ATP2B2: variants seen among roughly 807,000 people sequenced by gnomAD.
The protein encoded by ATP2B2 is plasma membrane calcium-transporting ATPase 2.
Under a neutral mutation model 120.0 loss-of-function variants are expected in ATP2B2, and 15 were observed. That is an observed-to-expected ratio of 0.12 (90% CI 0.08 to 0.19). ATP2B2 has a LOEUF of 0.19. Ranked by LOEUF, ATP2B2 falls within the 10% of genes least tolerant of loss-of-function variation. ATP2B2 has a pLI of 1.00. For synonymous variants in ATP2B2, 694 were observed against 700.3 expected, an observed-to-expected ratio of 0.99 and a Z score of 0.14; for missense variants, 1,045 against 1,719.8, an observed-to-expected ratio of 0.61 and a Z score of 6.94.
chr3:10,637,141 A>G (rs570511306), intron 1 of ATP2B2, among the ~76,000 whole-genome samples: 5 of 152,336 alleles, frequency 3.3e-5, no homozygotes, highest in Admixed American at 1.3e-4. Flanking sequence ...ACAAGTATTA[A>G]AAACAAGACC....
chr3:10,500,400 A>G (rs1439102164), intron 1 of ATP2B2, among the ~76,000 whole-genome samples: 2 of 152,130 alleles, frequency 1.3e-5, no homozygotes, highest in Non-Finnish European at 2.9e-5. Flanking sequence ...TCCAAAGTTC[A>G]TGCCCACCTG....
At chr3:10,569,649 T>C (rs143264112) in intron 2 of ATP2B2, among the ~76,000 whole-genome samples, 2 of 152,274 alleles carry the variant, frequency 1.3e-5, no homozygotes, top group East Asian at 1.9e-4. Context: ...CAAGGAAGAA[T>C]ATTAAGGTGT....
intron 2 of ATP2B2, among the ~76,000 whole-genome samples, chr3:10,574,090 G>T (rs2068190152): frequency 6.6e-6 from 1 of 152,148 alleles, no homozygotes. Context: ...TCTCCCTCTT[G>T]TCTTATCTCC....
intron 12 of ATP2B2, among the ~76,000 whole-genome samples, chr3:10,369,532 C>T (rs138655861): frequency 1.6e-4 from 25 of 152,340 alleles, no homozygotes; most frequent in African/African-American, 6.0e-4. Context: ...TAGCCTTTCC[C>T]TCTCTAGCCC....
intron 2 of ATP2B2, among the ~76,000 whole-genome samples, chr3:10,588,857 A>G (rs571631682): frequency 6.6e-6 from 1 of 152,336 alleles, no homozygotes; most frequent in East Asian, 1.9e-4. Context: ...AATAGATCCA[A>G]CTGGAAATAG....
intron 1 of ATP2B2, among the ~76,000 whole-genome samples, chr3:10,652,556 T>C (rs1334063986): frequency 6.6e-6 from 1 of 152,180 alleles, no homozygotes; most frequent in Non-Finnish European, 1.5e-5. Flanking sequence ...GACGATTCCT[T>C]GAAAACTTAA....
chr3:10,558,966 C>A (rs1170752073), intron 2 of ATP2B2, among the ~76,000 whole-genome samples: 1 of 152,138 alleles, frequency 6.6e-6, no homozygotes, highest in Admixed American at 6.5e-5. Flanking sequence ...TATTTATATA[C>A]CTTGTGGCTC....
intron 1 of ATP2B2, among the ~76,000 whole-genome samples, chr3:10,638,853 G>A (rs2070092717): frequency 6.6e-6 from 1 of 152,230 alleles, no homozygotes; most frequent in South Asian, 2.1e-4. Context: ...TATTAGCAGG[G>A]ATAAAGAAGG....
intron 2 of ATP2B2, among the ~76,000 whole-genome samples, chr3:10,599,084 G>A (rs1319017826): frequency 6.6e-6 from 1 of 152,240 alleles, no homozygotes; most frequent in East Asian, 1.9e-4. Context: ...CCCAGGGGGA[G>A]CGGAAGCAAG....
At chr3:10,388,745 A>G (rs2061757445) in intron 5 of ATP2B2, among the ~76,000 whole-genome samples, 1 of 152,204 alleles carries the variant, frequency 6.6e-6, no homozygotes, top group African/African-American at 2.4e-5. Flanking sequence ...AAACTCCAGG[A>G]GTGTTATCAG....
At chr3:10,599,997 G>A (rs966437112) in intron 2 of ATP2B2, among the ~76,000 whole-genome samples, 4 of 152,124 alleles carry the variant, frequency 2.6e-5, no homozygotes, top group Admixed American at 6.5e-5. Context: ...TTTCCCACAG[G>A]CCTTTCAATT....
chr3:10,694,950 T>C (rs1051924889), intron 1 of ATP2B2, among the ~76,000 whole-genome samples: 3 of 151,960 alleles, frequency 2.0e-5, no homozygotes, highest in African/African-American at 7.3e-5. Context: ...ATGCAAGCCA[T>C]TTCCAGTGTG....
intron 3 of ATP2B2, chr3:10,533,963 C>G (rs1391172222): frequency 6.6e-6 from 1 of 152,358 alleles, no homozygotes; most frequent in Non-Finnish European, 1.5e-5. Context: ...AGTTGACCCT[C>G]CATTGGCAAC....
chr3:10,434,675 C>G (rs1228891867), intron 2 of ATP2B2, among the ~76,000 whole-genome samples: 1 of 152,272 alleles, frequency 6.6e-6, no homozygotes, highest in Non-Finnish European at 1.5e-5. Context: ...GACTCCCAGT[C>G]TCATGGTGCC....
At chr3:10,580,201 C>A (rs73811930) in intron 2 of ATP2B2, among the ~76,000 whole-genome samples, 2 of 152,248 alleles carry the variant, frequency 1.3e-5, no homozygotes, top group South Asian at 4.2e-4. Context: ...GTCAGTGTGA[C>A]CCCAAATCCT....
intron 5 of ATP2B2, among the ~76,000 whole-genome samples, chr3:10,393,745 T>C (rs1054236747): frequency 2.7e-5 from 2 of 74,562 alleles, no homozygotes; most frequent in African/African-American, 1.1e-4. Flanking sequence ...GTCTGTCCTG[T>C]CCTGCCCAAG....
Position 10,704,700 on chromosome 3 carries a change from C to T in ATP2B2, c.-460+3215G>A, listed in dbSNP as rs1018815075. The stretch of plus-strand genomic sequence containing the variant: ...GTTAGCAGATTCTAATTTTTAGATA[C>T]CATAAAGCTTCAATAATTCCACTTA... On this transcript the variant is annotated intron_variant, in intron 1 of 21. Transcript: ENST00000646379. Among the ~76,000 whole-genome samples the T allele has an allele frequency of 1.1e-4, 17 of 152,212 alleles. No homozygotes were observed. The East Asian group carries it at 3.3e-3, about 29-fold the overall frequency.
chr3:10,619,393 C>T (rs768969170), intron 2 of ATP2B2, among the ~76,000 whole-genome samples: 2 of 152,242 alleles, frequency 1.3e-5, no homozygotes, highest in Middle Eastern at 3.4e-3. Context: ...GGCTTCAAAC[C>T]GAAAATGCCC....
chr3:10,476,362 G>T (rs867769357), intron 1 of ATP2B2, among the ~76,000 whole-genome samples: 1 of 152,194 alleles, frequency 6.6e-6, no homozygotes, highest in South Asian at 2.1e-4. Context: ...CACCCCACAA[G>T]GACTCAAAAT....
Sources: gnomAD v4.1 joint callset for allele counts (sites outside exome capture counted in the v4.1 genomes callset) on GRCh38, gnomAD v4.1.1 for gene constraint, MANE v1.5 for transcripts, NCBI Gene and HGNC (gene_info 2026-07-23, HGNC 2026-07-21) for gene names.